Variants in ADNP observed in about 807,000 individuals in gnomAD.
ADNP encodes the protein activity-dependent neuroprotector homeobox protein.
A neutral mutation model predicts 84.9 loss-of-function variants in ADNP; 4 were observed. The ratio of observed to expected loss-of-function variants is 0.05; its 90% CI spans 0.02 to 0.11. The LOEUF (loss-of-function observed/expected upper bound fraction) is 0.11. ADNP is among the 10% of genes least tolerant of loss of function. The pLI is 1.00. For synonymous variants in ADNP, 554 were observed against 468.1 expected (o/e 1.18, Z -2.37); for missense variants, 1,132 against 1,326.0 (o/e 0.85, Z 2.27).
chr20:50,894,171 C>T lies in ADNP; in HGVS notation c.543G>A (p.Arg181=), dbSNP rs373208373. Reference sequence around the variant, plus strand: ...GAAAATGTTCCCTGTAAATGTGCTTCCTAACTATTTCATAAAGAGGATCTC... The same window carrying T: ...GAAAATGTTCCCTGTAAATGTGCTTTCTAACTATTTCATAAAGAGGATCTC... ...TYRDPLYEIV[R]KHIYREHFQH... The change falls in exon 6 of 6, where the codon AGG becomes AGA. Residue 181 remains arginine (R), a synonymous_variant. Coordinates refer to ENST00000621696, the MANE Select transcript of ADNP (RefSeq NM_001282531.3). 4 of 1,613,988 alleles carry T rather than the reference C, an allele frequency of 2.5e-6. No homozygotes were observed. The highest frequency in any genetic ancestry group is 3.4e-6 in the Non-Finnish European group (4 of 1,179,990).
chr20:50,927,852 G>A (rs1008216670), intron 2 of ADNP, among the ~76,000 whole-genome samples: 1 of 152,158 alleles, frequency 6.6e-6, no homozygotes, highest in East Asian at 1.9e-4. Context: ...TCAAACAAAA[G>A]CCCCTCAACA....
chr20:50,919,289 G>GTATATATATATATATA lies in ADNP; in HGVS notation c.-90+9361_-90+9362insTATATATATATATATA, dbSNP rs1359779030. Reference sequence around the variant, plus strand: ...AGCCTGAAAAAATACATATATTTAAGTGTATATATATATATATATATATAT... The same window carrying GTATATATATATATATA: ...AGCCTGAAAAAATACATATATTTAAGTATATATATATATATATGTATATATATATATATATATATAT... On this transcript the variant is annotated intron_variant, in intron 2 of 5. Transcript: ENST00000621696. Among the ~76,000 whole-genome samples the GTATATATATATATATA allele has an allele frequency of 7.2e-3, 467 of 64,538 alleles. 9 individuals carry two copies. The highest frequency in any genetic ancestry group is 0.023 in the African/African-American group (418 of 18,022). 42.3% of individuals were successfully genotyped at this position (64,538 alleles called of 152,430 possible). A position where few individuals can be genotyped will look rare whatever the true frequency, so the allele number is the denominator to read the frequency against.
Position 50,908,813 on chromosome 20 carries a change from T to C in ADNP, c.-89-3964A>G, listed in dbSNP as rs116227138. ...AAAAGTTATCTATTTGATTCTCCTTTATAAATGTGGACAAGGGATCCATAC... is the reference window on the plus strand; with the variant it reads ...AAAAGTTATCTATTTGATTCTCCTTCATAAATGTGGACAAGGGATCCATAC... On this transcript the variant is annotated intron_variant, in intron 2 of 5. Coordinates refer to ENST00000621696, the MANE Select transcript of ADNP (RefSeq NM_001282531.3). Among the ~76,000 whole-genome samples, 322 of 152,094 alleles carry C rather than the reference T, an allele frequency of 2.1e-3. 2 individuals carry two copies. The highest frequency in any genetic ancestry group is 7.7e-3 in the African/African-American group (319 of 41,496).
chr20:50,910,247 A>G (rs1197693171), intron 2 of ADNP, among the ~76,000 whole-genome samples: 1 of 152,236 alleles, frequency 6.6e-6, no homozygotes, highest in African/African-American at 2.4e-5. Context: ...ATATGAGAAG[A>G]GTTAAACACC....
chr20:50,899,233 G>A (rs1033891530), intron 5 of ADNP, among the ~76,000 whole-genome samples: 1 of 134,850 alleles, frequency 7.4e-6, no homozygotes, highest in Non-Finnish European at 1.6e-5. Flanking sequence ...TCTTGCTTTT[G>A]TCCCCCAGGC....
At chr20:50,917,226 C>T (rs1406923810) in intron 2 of ADNP, among the ~76,000 whole-genome samples, 1 of 152,176 alleles carries the variant, frequency 6.6e-6, no homozygotes, top group East Asian at 1.9e-4. Context: ...CTTCAATACC[C>T]AAGGTTGAAA....
chr20:50,890,139 A>G lies in ADNP; in HGVS notation c.*1266T>C, dbSNP rs79281016. On this transcript the variant is annotated 3_prime_UTR_variant, in exon 6 of 6. Coordinates refer to ENST00000621696, the MANE Select transcript of ADNP (RefSeq NM_001282531.3). Reference sequence around the variant, plus strand: ...GGTGTTTGTTTTTCAGTTAAAAAAAAAAAAAAAAAAAAAAAAAAAAAAGAA... The same window carrying G: ...GGTGTTTGTTTTTCAGTTAAAAAAAGAAAAAAAAAAAAAAAAAAAAAAGAA... 1 of 252,672 alleles carries G rather than the reference A, an allele frequency of 4.0e-6. No individual in the cohort carries two copies. The highest frequency in any genetic ancestry group is 2.4e-5 in the African/African-American group (1 of 42,540). 15.7% of individuals were successfully genotyped at this position (252,672 alleles called of 1,614,324 possible). A position where few individuals can be genotyped will look rare whatever the true frequency, so the allele number is the denominator to read the frequency against.
At chr20:50,910,094 A>G (rs866028462) in intron 2 of ADNP, among the ~76,000 whole-genome samples, 21 of 152,234 alleles carry the variant, frequency 1.4e-4, no homozygotes, top group African/African-American at 4.8e-4. Context: ...AAGTGAATAA[A>G]TAAGAGGGAA....
intron 2 of ADNP, chr20:50,914,205 C>T: frequency 1.3e-6 from 1 of 763,952 alleles, no homozygotes; most frequent in East Asian, 2.5e-5. Context: ...TCCTTCTGTA[C>T]TACAAAGCAT....
intron 2 of ADNP, chr20:50,913,901 G>A (rs1207186672): frequency 1.6e-6 from 1 of 631,620 alleles, no homozygotes; most frequent in Non-Finnish European, 3.0e-6. Context: ...TTGAATTTTT[G>A]TTTCAACTTG....
At chr20:50,924,660 C>A (rs866960843) in intron 2 of ADNP, among the ~76,000 whole-genome samples, 76 of 152,218 alleles carry the variant, frequency 5.0e-4, no homozygotes, top group African/African-American at 1.7e-3. Context: ...ACCATAAAGG[C>A]CAGCAAGGGG....
At chr20:50,904,399 G>A (rs1982282427) in intron 3 of ADNP, 1 of 170,616 alleles carries the variant, frequency 5.9e-6, no homozygotes, top group Non-Finnish European at 1.3e-5. Context: ...AAATTTTTTT[G>A]TAGAGACTAG....
At chr20:50,930,590 G>T (rs950911492) in intron 1 of ADNP, among the ~76,000 whole-genome samples, 2 of 152,146 alleles carry the variant, frequency 1.3e-5, no homozygotes, top group Admixed American at 1.3e-4. Flanking sequence ...AGGGGGTCGG[G>T]CTGCAGGAGG....
intron 2 of ADNP, among the ~76,000 whole-genome samples, chr20:50,923,473 T>C (rs1984088418): frequency 6.6e-6 from 1 of 152,220 alleles, no homozygotes; most frequent in South Asian, 2.1e-4. Context: ...GTTTTCACAC[T>C]TTCCTCAGAG....
In ADNP at chr20:50,928,749, G is replaced by A. The variant is rs1169291268; in HGVS notation, c.-188C>T. The A allele has an allele frequency of 2.0e-5, 3 of 152,208 alleles. No individual in the cohort carries two copies. The highest frequency in any genetic ancestry group is 7.2e-5 in the African/African-American group (3 of 41,448). The allele number at this position is 152,208 out of a possible 1,614,324, so 9.4% of individuals were successfully genotyped here. A position where few individuals can be genotyped will look rare whatever the true frequency, so the allele number is the denominator to read the frequency against. On this transcript the variant is annotated 5_prime_UTR_variant, in exon 2 of 6. Transcript: ENST00000621696. ...GGCATAACCACTAGGCCACCTATCA[G>A]TTCAGTACAAAAAGTACAACCCTGC...
At position 50,889,669 on chromosome 20, in the gene ADNP, G is replaced by A. The variant is rs1980451403; in HGVS notation, c.*1736C>T. 1 of 387,296 alleles carries A rather than the reference G, an allele frequency of 2.6e-6. No individual in the cohort carries two copies. Among genetic ancestry groups the A allele is most frequent in the Non-Finnish European group, 4.6e-6 (1 of 219,542 alleles). 24.0% of individuals were successfully genotyped at this position (387,296 alleles called of 1,614,324 possible). On this transcript the variant is annotated 3_prime_UTR_variant, in exon 6 of 6. Coordinates refer to ENST00000621696, the MANE Select transcript of ADNP (RefSeq NM_001282531.3). ...ACTTCTTTAGGCCACTATCCTTGAG[G>A]TGACTGACCAGCCTCCTCATGGATT...
chr20:50,902,171 A>G (rs1982050203), intron 4 of ADNP, 62 bp from the exon 5 acceptor site: 2 of 1,255,948 alleles, frequency 1.6e-6, no homozygotes, highest in Non-Finnish European at 2.3e-6. Context: ...CCAATCTTAC[A>G]TGTAAATCTC....
intron 4 of ADNP, among the ~76,000 whole-genome samples, chr20:50,902,874 G>C (rs1982122864): frequency 6.6e-6 from 1 of 152,130 alleles, no homozygotes; most frequent in Admixed American, 6.5e-5. Context: ...GTTTCATTTG[G>C]GCAGATCTAC....
At chr20:50,908,648 C>A (rs564545295) in intron 2 of ADNP, among the ~76,000 whole-genome samples, 1 of 152,068 alleles carries the variant, frequency 6.6e-6, no homozygotes, top group East Asian at 1.9e-4. Flanking sequence ...GTGGTGGGCA[C>A]CTGTAGTCCC....
Sources: allele counts gnomAD v4.1 joint callset (sites outside exome capture counted in the v4.1 genomes callset), GRCh38; gene constraint gnomAD v4.1.1; transcripts MANE v1.5; gene names NCBI Gene and HGNC (gene_info 2026-07-23, HGNC 2026-07-21).